PTPRD: variants seen among roughly 807,000 people sequenced by gnomAD.
PTPRD encodes the protein protein tyrosine phosphatase receptor type D.
Under a neutral mutation model 214.5 loss-of-function variants are expected in PTPRD, and 34 were observed. The observed-to-expected ratio is 0.16, with a 90% CI of 0.12 to 0.21. The LOEUF is 0.21. Ranked by LOEUF, PTPRD falls within the 10% of genes least tolerant of loss-of-function variation. The pLI is 1.00. For synonymous variants in PTPRD, 1,128 were observed against 845.7 expected (o/e 1.33, Z -5.79); for missense variants, 2,545 against 2,398.7 (o/e 1.06, Z -1.27).
intron 10 of PTPRD, among the ~76,000 whole-genome samples, chr9:9,135,358 C>T (rs436929): frequency 0.63 from 95,145 of 152,066 alleles, 30,513 homozygotes; most frequent in African/African-American, 0.75. Flanking sequence ...AACATTTAAC[C>T]TCCCTAGTTC....
chr9:10,368,063 G>C (rs1370904018), intron 2 of PTPRD, among the ~76,000 whole-genome samples: 1 of 152,068 alleles, frequency 6.6e-6, no homozygotes, highest in Admixed American at 6.6e-5. Context: ...TATAGCAGGT[G>C]TTTTCAACCA....
At chr9:9,062,029 A>C (rs1420290112) in intron 10 of PTPRD, among the ~76,000 whole-genome samples, 4 of 152,022 alleles carry the variant, frequency 2.6e-5, no homozygotes, top group African/African-American at 9.7e-5. Flanking sequence ...CTTTACAAAT[A>C]TTACTCCCTC....
chr9:8,493,169 C>T (rs2097185675), intron 26 of PTPRD, among the ~76,000 whole-genome samples, 190 bp from the exon 27 acceptor site: 1 of 152,190 alleles, frequency 6.6e-6, no homozygotes, highest in Admixed American at 6.5e-5. Context: ...GGGGCATCTT[C>T]AGGCATCTTG....
intron 10 of PTPRD, among the ~76,000 whole-genome samples, chr9:9,136,985 G>T (rs1012587116): frequency 6.6e-6 from 1 of 152,156 alleles, no homozygotes; most frequent in Non-Finnish European, 1.5e-5. Flanking sequence ...AGAGAAAGGT[G>T]ATGTTTTCTT....
intron 14 of PTPRD, among the ~76,000 whole-genome samples, chr9:8,618,931 T>G (rs1394022183): frequency 3.4e-5 from 5 of 145,182 alleles, no homozygotes; most frequent in South Asian, 4.4e-4. Flanking sequence ...TTTTTTTTTT[T>G]TTTTTTTTAC....
chr9:10,084,273 GT>G (rs1334145199), intron 3 of PTPRD, among the ~76,000 whole-genome samples: 2 of 151,754 alleles, frequency 1.3e-5, no homozygotes, highest in African/African-American at 4.8e-5. Context: ...TTAAAATTTT[GT>G]TTCTCCAAAG....
At chr9:10,572,461 A>T (rs185710969) in intron 2 of PTPRD, among the ~76,000 whole-genome samples, 1 of 152,294 alleles carries the variant, frequency 6.6e-6, no homozygotes, top group East Asian at 1.9e-4. Context: ...GATTTGACCA[A>T]CTCTTTAAAC....
chr9:8,566,901 C>A (rs754762236), intron 14 of PTPRD, among the ~76,000 whole-genome samples: 1 of 152,068 alleles, frequency 6.6e-6, no homozygotes, highest in South Asian at 2.1e-4. Flanking sequence ...GGTCATCAGT[C>A]CTGGTTGCTG....
intron 4 of PTPRD, among the ~76,000 whole-genome samples, chr9:10,003,848 A>G (rs1052217657): frequency 6.6e-6 from 1 of 151,740 alleles, no homozygotes; most frequent in African/African-American, 2.4e-5. Flanking sequence ...TTTTTTTAAT[A>G]CCCTAATGGC....
intron 3 of PTPRD, among the ~76,000 whole-genome samples, chr9:10,309,168 T>C (rs1409452375): frequency 6.6e-6 from 1 of 152,056 alleles, no homozygotes; most frequent in Admixed American, 6.6e-5. Flanking sequence ...TCCATATTGA[T>C]CCTTCAAACT....
At chr9:8,981,229 T>TAA (rs550085079) in intron 11 of PTPRD, among the ~76,000 whole-genome samples, 6 of 151,176 alleles carry the variant, frequency 4.0e-5, no homozygotes, top group Admixed American at 2.6e-4. Context: ...GCATAGAGAT[T>TAA]AAAAAAAAAG....
chr9:10,381,334 C>G (rs1285450866), intron 2 of PTPRD, among the ~76,000 whole-genome samples: 1 of 151,960 alleles, frequency 6.6e-6, no homozygotes, highest in South Asian at 2.1e-4. Flanking sequence ...GCTGCAATAG[C>G]AGGTATTCAT....
chr9:9,176,262 G>A (rs140557843), intron 10 of PTPRD, among the ~76,000 whole-genome samples: 13 of 152,186 alleles, frequency 8.5e-5, no homozygotes, highest in African/African-American at 2.4e-4. Context: ...TATTTATTTG[G>A]TCATTTATTT....
At chr9:8,983,363 A>G (rs933616457) in intron 11 of PTPRD, among the ~76,000 whole-genome samples, 1 of 152,100 alleles carries the variant, frequency 6.6e-6, no homozygotes, top group Admixed American at 6.6e-5. Context: ...AGTCAAAAAT[A>G]TACTCAATTT....
chr9:8,966,477 T>A (rs1437164431), intron 11 of PTPRD, among the ~76,000 whole-genome samples: 1 of 151,514 alleles, frequency 6.6e-6, no homozygotes, highest in African/African-American at 2.4e-5. Context: ...CCATCTGATA[T>A]TCGACAAAGT....
At chr9:9,004,523 C>T (rs1053000563) in intron 11 of PTPRD, among the ~76,000 whole-genome samples, 4 of 151,960 alleles carry the variant, frequency 2.6e-5, no homozygotes, top group South Asian at 2.1e-4. Context: ...GATCAAGATC[C>T]GGAATGATTG....
intron 3 of PTPRD, among the ~76,000 whole-genome samples, chr9:10,156,596 A>AAT (rs1205109542): frequency 6.6e-6 from 1 of 152,152 alleles, no homozygotes; most frequent in Non-Finnish European, 1.5e-5. Flanking sequence ...TGGCAATGAG[A>AAT]ACAGTGTGTA....
At chr9:9,243,512 G>C (rs928542075) in intron 9 of PTPRD, among the ~76,000 whole-genome samples, 1 of 151,968 alleles carries the variant, frequency 6.6e-6, no homozygotes, top group African/African-American at 2.4e-5. Flanking sequence ...ACGTAATCCA[G>C]CATATAAACA....
intron 5 of PTPRD, among the ~76,000 whole-genome samples, chr9:9,806,370 T>C (rs564487864): frequency 2.0e-5 from 3 of 152,196 alleles, no homozygotes; most frequent in East Asian, 3.9e-4. Flanking sequence ...CAAGCCATTA[T>C]GACATTCCCC....
Sources: allele counts gnomAD v4.1 joint callset (sites outside exome capture counted in the v4.1 genomes callset), GRCh38; gene constraint gnomAD v4.1.1; transcripts MANE v1.5; gene names NCBI Gene and HGNC (gene_info 2026-07-23, HGNC 2026-07-21).